Variants in FKBP9 observed in about 807,000 individuals in gnomAD.
FKBP9 encodes FKBP prolyl isomerase 9.
FKBP9 carries 27 observed loss-of-function variants against 55.6 expected under a neutral mutation model. The observed-to-expected ratio is 0.49, with a 90% CI of 0.36 to 0.67. The LOEUF is 0.67. Among genes scored for constraint, FKBP9 ranks in the 30% least tolerant of loss-of-function variants. FKBP9 has a pLI of 0.00. For missense variants in FKBP9, 539 were observed against 742.8 expected (o/e 0.73, Z 3.19); for synonymous variants, 267 against 296.5 (o/e 0.90, Z 1.02).
intron 7 of FKBP9, among the ~76,000 whole-genome samples, chr7:32,998,971 A>G (rs929796348): frequency 6.6e-6 from 1 of 152,232 alleles, no homozygotes; most frequent in Non-Finnish European, 1.5e-5. Context: ...AACTGGCCTC[A>G]AGGAGGAAGA....
chr7:32,966,203 A>AC (rs1460682767), intron 1 of FKBP9, among the ~76,000 whole-genome samples: 3 of 143,670 alleles, frequency 2.1e-5, no homozygotes, highest in African/African-American at 7.8e-5. Flanking sequence ...AAAAAAAAAA[A>AC]AAGAATATAG....
At chr7:32,983,477 G>T (rs1195698098) in intron 5 of FKBP9, among the ~76,000 whole-genome samples, 2 of 151,318 alleles carry the variant, frequency 1.3e-5, no homozygotes, top group Admixed American at 6.6e-5. Context: ...ACCACACCAG[G>T]CTAATTTTTG....
intron 1 of FKBP9, among the ~76,000 whole-genome samples, chr7:32,967,567 C>G (rs1432156881): frequency 6.6e-6 from 1 of 152,116 alleles, no homozygotes; most frequent in Non-Finnish European, 1.5e-5. Context: ...GATTTCCTTC[C>G]TTTTTAAGGC....
At chr7:32,988,728 T>C in intron 6 of FKBP9, 76 bp downstream of exon 6, 3 of 1,414,610 alleles carry the variant, frequency 2.1e-6, no homozygotes, top group Non-Finnish European at 2.9e-6. Flanking sequence ...CTTCTTTTTC[T>C]TTTTCTTCTT....
At chr7:32,975,749 C>T (rs1215423449) in intron 3 of FKBP9, among the ~76,000 whole-genome samples, 3 of 151,876 alleles carry the variant, frequency 2.0e-5, no homozygotes, top group African/African-American at 7.3e-5. Context: ...TGGGTTCAAG[C>T]GGTTCTCCTG....
At chr7:32,969,371 G>A (rs976106908) in intron 1 of FKBP9, among the ~76,000 whole-genome samples, 16 of 151,588 alleles carry the variant, frequency 1.1e-4, no homozygotes, top group Admixed American at 2.6e-4. Flanking sequence ...TTATATTTAT[G>A]CATTTAATCC....
intron 1 of FKBP9, among the ~76,000 whole-genome samples, chr7:32,965,854 G>GAT (rs1265392734): frequency 5.4e-5 from 5 of 92,576 alleles, no homozygotes; most frequent in Admixed American, 3.1e-4. Context: ...TGTGTGTACA[G>GAT]ATATATATAT....
intron 1 of FKBP9, among the ~76,000 whole-genome samples, chr7:32,973,201 T>C (rs1331347736): frequency 6.6e-6 from 1 of 152,156 alleles, no homozygotes; most frequent in African/African-American, 2.4e-5. Context: ...CCAAAGCACC[T>C]GGCACAGTCC....
intron 6 of FKBP9, among the ~76,000 whole-genome samples, chr7:32,989,527 T>G (rs1260259528): frequency 6.6e-6 from 1 of 152,040 alleles, no homozygotes; most frequent in Non-Finnish European, 1.5e-5. Context: ...GTGAGTCTCG[T>G]GCCTTAGCCT....
At chr7:32,974,066 C>T (rs1784308718) in intron 1 of FKBP9, among the ~76,000 whole-genome samples, 1 of 151,366 alleles carries the variant, frequency 6.6e-6, no homozygotes, top group African/African-American at 2.4e-5. Flanking sequence ...TGCAGTGGTG[C>T]AATCATAGCT....
intron 1 of FKBP9, among the ~76,000 whole-genome samples, chr7:32,968,395 T>G (rs1053711793): frequency 6.6e-6 from 1 of 152,076 alleles, no homozygotes; most frequent in African/African-American, 2.4e-5. Context: ...TATTTTTAAT[T>G]TTTTGAGGAG....
rs1006651525 is a variant in FKBP9 at position 32,974,894 on chromosome 7, C to A, written c.367+132C>A. On this transcript the variant is annotated intron_variant, in intron 2 of 9. Coordinates refer to ENST00000242209, the MANE Select transcript of FKBP9 (RefSeq NM_007270.5). ...GAAAATGAAAAGCAGTGAACTCATA[C>A]ACAGCTAAAATTTCCATCTTAGGTT... is the stretch of plus-strand genomic sequence containing the variant. The A allele has an allele frequency of 3.3e-4, 272 of 831,240 alleles. 1 individual carries two copies. The highest frequency in any genetic ancestry group is 4.8e-4 in the Non-Finnish European group (256 of 536,290). 51.5% of individuals were successfully genotyped at this position (831,240 alleles called of 1,614,324 possible).
chr7:32,993,690 T>G (rs910294097), intron 6 of FKBP9, among the ~76,000 whole-genome samples: 2 of 152,004 alleles, frequency 1.3e-5, no homozygotes, highest in African/African-American at 4.8e-5. Context: ...CCAGGTGTGG[T>G]GGTACGCGTC....
At chr7:32,989,526 G>C (rs867685878) in intron 6 of FKBP9, among the ~76,000 whole-genome samples, 1 of 150,792 alleles carries the variant, frequency 6.6e-6, no homozygotes, top group Non-Finnish European at 1.5e-5. Flanking sequence ...GGTGAGTCTC[G>C]TGCCTTAGCC....
chr7:33,002,019 G>T (rs987753937), intron 8 of FKBP9: 2 of 152,188 alleles, frequency 1.3e-5, no homozygotes, highest in African/African-American at 4.8e-5. Context: ...TTCTCAGTAT[G>T]GTTCCAATTT....
chr7:32,983,658 C>T (rs1315096920), intron 5 of FKBP9, among the ~76,000 whole-genome samples: 1 of 152,148 alleles, frequency 6.6e-6, no homozygotes, highest in Non-Finnish European at 1.5e-5. Context: ...TACCAAGTTG[C>T]CCTCAAGGAA....
Position 32,996,457 on chromosome 7 carries a change from G to A in FKBP9, c.1226+108G>A, listed in dbSNP as rs913648357. ...GCTGGTTGAGAGCTTTTATCTCCAT[G>A]CTGCCCCACTGCATAGCTCGTGGCT... On this transcript the variant is annotated intron_variant, in intron 7 of 9. Transcript: ENST00000242209. 5.9e-6 allele frequency: 4 copies of A among 679,704 alleles called. No individual in the cohort carries two copies. The African/African-American group carries it at 7.2e-5, about 12-fold the overall frequency. 42.1% of individuals were successfully genotyped at this position (679,704 alleles called of 1,614,324 possible).
chr7:33,004,478 T>C (rs909647408), intron 9 of FKBP9, among the ~76,000 whole-genome samples: 1 of 152,172 alleles, frequency 6.6e-6, no homozygotes, highest in Non-Finnish European at 1.5e-5. Context: ...CCGGCTGCCC[T>C]CTCTGCTCAG....
At chr7:32,976,230 C>G (rs1784361307) in intron 3 of FKBP9, 124 bp from the exon 4 acceptor site, 1 of 1,055,464 alleles carries the variant, frequency 9.5e-7, no homozygotes, top group Non-Finnish European at 1.4e-6. Flanking sequence ...CCATAAATGT[C>G]TATCTCTAGG....
Sources: allele counts gnomAD v4.1 joint callset (sites outside exome capture counted in the v4.1 genomes callset), GRCh38; gene constraint gnomAD v4.1.1; transcripts MANE v1.5; gene names NCBI Gene and HGNC (gene_info 2026-07-23, HGNC 2026-07-21).